PLEKHH2: variants seen among roughly 807,000 people sequenced by gnomAD.
PLEKHH2 encodes the protein pleckstrin homology domain-containing family H member 2.
In PLEKHH2, 129 loss-of-function variants were observed where a neutral mutation model predicts 187.9. The ratio of observed to expected loss-of-function variants is 0.69; its 90% CI spans 0.59 to 0.79. The LOEUF (loss-of-function observed/expected upper bound fraction) is 0.79, where lower values mean the gene tolerates loss of function less well. PLEKHH2 is among the 30% of genes least tolerant of loss of function. PLEKHH2 has a pLI of 0.00. For synonymous variants in PLEKHH2, 686 were observed against 605.6 expected, an observed-to-expected ratio of 1.13 and a Z score of -1.95; for missense variants, 2,076 against 1,751.2, an observed-to-expected ratio of 1.19 and a Z score of -3.31.
intron 23 of PLEKHH2, among the ~76,000 whole-genome samples, chr2:43,745,557 C>T (rs959708138): frequency 1.3e-5 from 2 of 152,026 alleles, no homozygotes; most frequent in Admixed American, 6.6e-5. Flanking sequence ...CTTCAGTGAC[C>T]AAATCATGGA....
chr2:43,707,147 G>C (rs1451469151), intron 10 of PLEKHH2, among the ~76,000 whole-genome samples: 2 of 129,570 alleles, frequency 1.5e-5, no homozygotes, highest in Non-Finnish European at 3.1e-5. Flanking sequence ...AGTGAACCGA[G>C]ATCATGTCAT....
At chr2:43,755,865 G>A (rs1672192697) in intron 25 of PLEKHH2, among the ~76,000 whole-genome samples, 2 of 152,208 alleles carry the variant, frequency 1.3e-5, no homozygotes, top group Admixed American at 1.3e-4. Context: ...AGATAGACAA[G>A]AAGTGGAAAC....
chr2:43,685,282 T>C (rs1668447494), intron 3 of PLEKHH2, among the ~76,000 whole-genome samples: 1 of 152,244 alleles, frequency 6.6e-6, no homozygotes, highest in Non-Finnish European at 1.5e-5. Context: ...TTTAGCTTTG[T>C]ACATTTTTCC....
At chr2:43,707,697 AT>A in intron 11 of PLEKHH2, 152 bp downstream of exon 11, 1 of 772,538 alleles carries the variant, frequency 1.3e-6, no homozygotes, top group Non-Finnish European at 1.9e-6. Context: ...ATATGTTTAT[AT>A]TCCTAATTCT....
intron 2 of PLEKHH2, among the ~76,000 whole-genome samples, chr2:43,672,028 A>C (rs1667520218): frequency 6.6e-6 from 1 of 152,244 alleles, no homozygotes; most frequent in Non-Finnish European, 1.5e-5. Context: ...AGAATTCACA[A>C]GTGAAACCAT....
chr2:43,676,015 G>A (rs1667753730), intron 2 of PLEKHH2: 2 of 1,614,002 alleles, frequency 1.2e-6, no homozygotes, highest in Admixed American at 1.7e-5. Flanking sequence ...ATCATTTTTA[G>A]TATCGTAGAG....
chr2:43,698,525 C>T (rs887394657), intron 7 of PLEKHH2, among the ~76,000 whole-genome samples: 10 of 152,118 alleles, frequency 6.6e-5, no homozygotes, highest in African/African-American at 2.2e-4. Flanking sequence ...CTGGATTTAC[C>T]GGTGTGAGCC....
intron 11 of PLEKHH2, among the ~76,000 whole-genome samples, chr2:43,708,485 G>A (rs1290825730): frequency 6.6e-6 from 1 of 152,092 alleles, no homozygotes; most frequent in Non-Finnish European, 1.5e-5. Context: ...ATCAGCAAAC[G>A]CTGCTTTCTC....
chr2:43,731,514 C>T lies in PLEKHH2; in HGVS notation c.2855C>T (p.Thr952Ile). The T allele has an allele frequency of 6.2e-7, 1 of 1,603,310 alleles. No individual in the cohort carries two copies. Residue 952 changes from threonine to isoleucine, a missense_variant, in exon 19 of 30, where the codon ACT (threonine) becomes ATT (isoleucine). Coordinates refer to ENST00000282406, the MANE Select transcript of PLEKHH2 (RefSeq NM_172069.4). ...EPSSQIWRHPTLCHSKEGIIS... is the reference protein window; with the variant it reads ...EPSSQIWRHPILCHSKEGIIS... ...GCCTCTCAGATATGGAGACACCCCA[C>T]TTTGTGTCACAGTAAAGAAGGAATC...
intron 16 of PLEKHH2, among the ~76,000 whole-genome samples, chr2:43,721,984 A>G (rs1675680375): frequency 6.6e-6 from 1 of 152,148 alleles, no homozygotes; most frequent in African/African-American, 2.4e-5. Flanking sequence ...TGTGCTGTCA[A>G]TGTAATCCTA....
At chr2:43,643,597 A>C (rs373578216) in intron 1 of PLEKHH2, among the ~76,000 whole-genome samples, 2 of 152,176 alleles carry the variant, frequency 1.3e-5, no homozygotes, top group East Asian at 3.9e-4. Context: ...ATATTTTTAG[A>C]AAACAAAAGA....
intron 16 of PLEKHH2, among the ~76,000 whole-genome samples, chr2:43,724,126 A>G (rs1295445248): frequency 1.0e-5 from 1 of 97,102 alleles, no homozygotes; most frequent in Non-Finnish European, 2.4e-5. Context: ...CAGGTTGTCA[A>G]GGAGGACTTA....
chr2:43,735,802 A>G (rs992346732), intron 19 of PLEKHH2, among the ~76,000 whole-genome samples: 3 of 152,222 alleles, frequency 2.0e-5, no homozygotes, highest in Admixed American at 6.5e-5. Context: ...GTATTGGGAT[A>G]TCTATTAATA....
At chr2:43,736,867 A>T (rs957979167) in intron 19 of PLEKHH2, among the ~76,000 whole-genome samples, 9 of 152,076 alleles carry the variant, frequency 5.9e-5, no homozygotes, top group African/African-American at 2.2e-4. Flanking sequence ...GAGAGAGCTA[A>T]AGAGAGGGAG....
At chr2:43,668,150 A>T (rs1667313951) in intron 2 of PLEKHH2, among the ~76,000 whole-genome samples, 1 of 152,100 alleles carries the variant, frequency 6.6e-6, no homozygotes, top group Non-Finnish European at 1.5e-5. Context: ...CTCCTGCCTC[A>T]GCCTCCCAAG....
intron 2 of PLEKHH2, among the ~76,000 whole-genome samples, chr2:43,654,704 ACCC>A (rs34057211): frequency 8.5e-4 from 95 of 112,288 alleles, no homozygotes; most frequent in Admixed American, 1.5e-3. Context: ...ATAGTAAGAC[ACCC>A]CCCCCCCCCG....
intron 2 of PLEKHH2, among the ~76,000 whole-genome samples, chr2:43,653,081 A>G (rs1382308150): frequency 2.0e-5 from 3 of 152,218 alleles, no homozygotes; most frequent in African/African-American, 7.2e-5. Flanking sequence ...CCAGTTCAAT[A>G]TGTCCAAGAT....
chr2:43,760,593 T>C (rs1403652514), intron 27 of PLEKHH2, among the ~76,000 whole-genome samples: 2 of 152,080 alleles, frequency 1.3e-5, no homozygotes, highest in Non-Finnish European at 2.9e-5. Context: ...GAACTCCTGA[T>C]CTGAAGTGAT....
At chr2:43,753,785 A>G in intron 25 of PLEKHH2, 25 bp downstream of exon 25, 1 of 1,456,786 alleles carries the variant, frequency 6.9e-7, no homozygotes. Flanking sequence ...ATATGGAGTA[A>G]TATATTGAAA....
Sources: allele counts gnomAD v4.1 joint callset (sites outside exome capture counted in the v4.1 genomes callset), GRCh38; gene constraint gnomAD v4.1.1; transcripts MANE v1.5; gene names NCBI Gene and HGNC (gene_info 2026-07-23, HGNC 2026-07-21).